ASH1L: variants seen among roughly 807,000 people sequenced by gnomAD.
ASH1L encodes ASH1 like histone lysine methyltransferase.
In ASH1L, 23 loss-of-function variants were observed where a neutral mutation model predicts 269.0. The ratio of observed to expected loss-of-function variants is 0.09; its 90% CI spans 0.06 to 0.12. The LOEUF is 0.12. ASH1L is among the 10% of genes least tolerant of loss of function. The probability of loss-of-function intolerance (pLI) is 1.00; values close to 1 mark genes in which losing one functional copy is unlikely to be tolerated. For missense variants in ASH1L, 2,912 were observed against 3,567.8 expected (o/e 0.82, Z 4.68); for synonymous variants, 1,187 against 1,253.5 (o/e 0.95, Z 1.12).
intron 2 of ASH1L, among the ~76,000 whole-genome samples, chr1:155,514,343 C>T (rs981135432): frequency 6.6e-6 from 1 of 152,142 alleles, no homozygotes; most frequent in African/African-American, 2.4e-5. Context: ...TACATATACA[C>T]ACATTTATTT....
chr1:155,350,926 A>AAAAAAAG lies in ASH1L; in HGVS notation c.7367-1331_7367-1330insCTTTTTT, dbSNP rs1653852749. On this transcript the variant is annotated intron_variant, in intron 17 of 27. Coordinates refer to ENST00000392403, the MANE Select transcript of ASH1L (RefSeq NM_018489.3). ...ACAGAACAGGACTCCGTCCTAAAAA[A>AAAAAAAG]AAAAAGAAAAAGAAAAAGAAAAAAA... 2.0e-5 allele frequency among the ~76,000 whole-genome samples: 3 copies of AAAAAAAG among 149,712 alleles called. 1 individual carries two copies. The highest frequency in any genetic ancestry group is 6.7e-5 in the Admixed American group (1 of 14,962).
At chr1:155,393,091 A>G (rs1434689416) in intron 7 of ASH1L, among the ~76,000 whole-genome samples, 3 of 152,222 alleles carry the variant, frequency 2.0e-5, no homozygotes, top group Non-Finnish European at 4.4e-5. Flanking sequence ...AGACTCTTTC[A>G]AAAGAGCTTT....
intron 4 of ASH1L, among the ~76,000 whole-genome samples, chr1:155,446,190 C>T (rs1663011337): frequency 6.6e-6 from 1 of 151,070 alleles, no homozygotes; most frequent in South Asian, 2.1e-4. Flanking sequence ...GGCCACTGTA[C>T]TTTTTATTAT....
chr1:155,402,512 A>G (rs1658938217), intron 6 of ASH1L, among the ~76,000 whole-genome samples: 2 of 152,336 alleles, frequency 1.3e-5, no homozygotes, highest in Admixed American at 1.3e-4. Flanking sequence ...AAAAAAAGGA[A>G]TTAATCAAAT....
At chr1:155,387,657 T>C (rs1157042589) in intron 7 of ASH1L, among the ~76,000 whole-genome samples, 3 of 152,222 alleles carry the variant, frequency 2.0e-5, no homozygotes, top group Non-Finnish European at 4.4e-5. Context: ...AAAATAGTTT[T>C]TTTCTAGCTC....
Position 155,482,019 on chromosome 1 carries a change from G to A in ASH1L, c.851C>T (p.Thr284Ile), listed in dbSNP as rs138738661. The A allele has an allele frequency of 5.1e-5, 82 of 1,613,968 alleles. No individual in the cohort carries two copies. The highest frequency in any genetic ancestry group is 1.0e-5 in the Non-Finnish European group (12 of 1,180,016). Reference protein sequence around the residue: ...PTISTAVGLVTKDPGKKPVFN... With the variant: ...PTISTAVGLVIKDPGKKPVFN... ...CACTGGCTTTTTCCCAGGATCTTTAGTTACCAATCCAACTGCTGTGCTGAT... is the reference window on the plus strand; with the variant it reads ...CACTGGCTTTTTCCCAGGATCTTTAATTACCAATCCAACTGCTGTGCTGAT... The change falls in exon 3 of 28, where the codon ACT becomes ATT. Residue 284 changes from threonine to isoleucine, a missense_variant. Coordinates refer to ENST00000392403, the MANE Select transcript of ASH1L (RefSeq NM_018489.3).
intron 4 of ASH1L, among the ~76,000 whole-genome samples, chr1:155,455,288 C>A (rs1050832027): frequency 2.0e-5 from 3 of 152,076 alleles, no homozygotes; most frequent in African/African-American, 7.2e-5. Context: ...TAAAAACCTC[C>A]AGAAAAGGCT....
At chr1:155,356,855 G>A (rs549378555) in intron 15 of ASH1L, among the ~76,000 whole-genome samples, 7 of 151,556 alleles carry the variant, frequency 4.6e-5, no homozygotes, top group South Asian at 2.1e-4. Flanking sequence ...TTGGGAGATC[G>A]GGGCAGGAGG....
At chr1:155,379,997 C>G (rs747442308) in intron 8 of ASH1L, 46 bp downstream of exon 8, 8 of 1,389,458 alleles carry the variant, frequency 5.8e-6, no homozygotes, top group Admixed American at 3.4e-5. Context: ...CACCCCTCCC[C>G]CTTTACCACT....
chr1:155,477,942 C>T lies in ASH1L; in HGVS notation c.4928G>A (p.Arg1643Gln), dbSNP rs1323894691. ...LFSAQDTSLN[R>Q]LHRKESLPSN... The stretch of plus-strand genomic sequence containing the variant: ...AGGCAGTGACTCCTTTCTGTGAAGC[C>T]GATTTAGTGAAGTGTCCTGTGCAGA... Residue 1643 changes from arginine to glutamine, a missense_variant, in exon 3 of 28, where the codon CGG (arginine) becomes CAG (glutamine). By Grantham distance (43) the Arg-to-Gln change is conservative. Around this residue, in one of 13 missense-constraint regions of ASH1L, gnomAD observed 789 missense variants for 897.6 expected, o/e 0.88. Transcript: ENST00000392403. 1 of 1,614,030 alleles carries T rather than the reference C, an allele frequency of 6.2e-7. No homozygotes were observed.
At chr1:155,435,822 G>A (rs546138993) in intron 5 of ASH1L, among the ~76,000 whole-genome samples, 25 of 152,248 alleles carry the variant, frequency 1.6e-4, no homozygotes, top group East Asian at 3.9e-4. Flanking sequence ...AGGCTGAGAC[G>A]GGTGGATCAC....
At chr1:155,448,667 G>C (rs1186544808) in intron 4 of ASH1L, among the ~76,000 whole-genome samples, 1 of 151,396 alleles carries the variant, frequency 6.6e-6, no homozygotes, top group East Asian at 2.0e-4. Flanking sequence ...GCTAATTTTT[G>C]TATTTTTTTA....
At chr1:155,562,104 G>C in intron 1 of ASH1L, 49 bp downstream of exon 1, 1 of 1,229,256 alleles carries the variant, frequency 8.1e-7, no homozygotes. Flanking sequence ...GGATTCAATC[G>C]CTGAGAGAGT....
chr1:155,508,717 C>A (rs1667977408), intron 2 of ASH1L, among the ~76,000 whole-genome samples: 1 of 152,270 alleles, frequency 6.6e-6, no homozygotes, highest in South Asian at 2.1e-4. Flanking sequence ...ATATGCTACG[C>A]TAAATACTGT....
intron 1 of ASH1L, among the ~76,000 whole-genome samples, chr1:155,560,392 T>A (rs919167741): frequency 1.2e-4 from 18 of 152,232 alleles, no homozygotes; most frequent in African/African-American, 4.1e-4. Flanking sequence ...TTATGCATTC[T>A]TTCTTCATAT....
chr1:155,479,369 C>T lies in ASH1L; in HGVS notation c.3501G>A (p.Leu1167=). 2 of 1,614,112 alleles carry T rather than the reference C, an allele frequency of 1.2e-6. No individual in the cohort carries two copies. The highest frequency in any genetic ancestry group is 8.5e-7 in the Non-Finnish European group (1 of 1,180,016). The change falls in exon 3 of 28, where the codon TTG becomes TTA. Residue 1167 remains leucine (L), a synonymous_variant. Transcript: ENST00000392403. ...GRRRLSPPTL[L]PNSPSHLSEL... Reference sequence around the variant, plus strand: ...CACTCAAGTGCGAAGGAGAATTTGGCAACAAAGTAGGAGGAGATAACCGCC... The same window carrying T: ...CACTCAAGTGCGAAGGAGAATTTGGTAACAAAGTAGGAGGAGATAACCGCC...
At chr1:155,453,492 C>A (rs1178955864) in intron 4 of ASH1L, among the ~76,000 whole-genome samples, 1 of 152,146 alleles carries the variant, frequency 6.6e-6, no homozygotes, top group African/African-American at 2.4e-5. Flanking sequence ...ACGGTAGCAA[C>A]AGTAACAACA....
At chr1:155,392,724 G>C (rs1169073279) in intron 7 of ASH1L, among the ~76,000 whole-genome samples, 1 of 152,038 alleles carries the variant, frequency 6.6e-6, no homozygotes, top group African/African-American at 2.4e-5. Context: ...CCTGACCTCA[G>C]GTGATCCACC....
At chr1:155,349,706 AGTCT>A in intron 17 of ASH1L, 110 bp from the exon 18 acceptor site, 1 of 708,570 alleles carries the variant, frequency 1.4e-6, no homozygotes, top group Non-Finnish European at 2.2e-6. Flanking sequence ...GAAAAATCCA[AGTCT>A]TTTTTTTTTT....
Sources: allele counts gnomAD v4.1 joint callset (sites outside exome capture counted in the v4.1 genomes callset), GRCh38; gene constraint gnomAD v4.1.1; regional missense constraint gnomAD v4.1.1; transcripts MANE v1.5; gene names NCBI Gene and HGNC (gene_info 2026-07-23, HGNC 2026-07-21).